Variants in RTN1 observed in about 807,000 individuals in gnomAD.
RTN1 encodes the protein reticulon-1.
RTN1 carries 25 observed loss-of-function variants against 65.5 expected under a neutral mutation model. That is an observed-to-expected ratio of 0.38 (90% CI 0.28 to 0.53). The LOEUF is 0.53. Ranked by LOEUF, RTN1 falls within the 20% of genes least tolerant of loss-of-function variation. The pLI is 0.79. For synonymous variants in RTN1, 471 were observed against 447.6 expected, an observed-to-expected ratio of 1.05 and a Z score of -0.66; for missense variants, 983 against 1,025.4, an observed-to-expected ratio of 0.96 and a Z score of 0.57.
intron 3 of RTN1, among the ~76,000 whole-genome samples, chr14:59,724,961 T>C (rs2139474307): frequency 6.6e-6 from 1 of 152,284 alleles, no homozygotes; most frequent in Non-Finnish European, 1.5e-5. Context: ...AAAGGACCCC[T>C]CCGTGCAGAA....
intron 1 of RTN1, among the ~76,000 whole-genome samples, chr14:59,851,564 G>A (rs535094232): frequency 6.6e-6 from 1 of 151,966 alleles, no homozygotes; most frequent in East Asian, 1.9e-4. Flanking sequence ...TTATTCATAA[G>A]AATAAACCAA....
At chr14:59,838,506 A>ATAC (rs1566743463) in intron 1 of RTN1, among the ~76,000 whole-genome samples, 1 of 152,174 alleles carries the variant, frequency 6.6e-6, no homozygotes, top group African/African-American at 2.4e-5. Context: ...TAGTACATCT[A>ATAC]TAGGATGGAA....
chr14:59,748,763 T>C (rs1334545895), intron 1 of RTN1, among the ~76,000 whole-genome samples: 1 of 151,926 alleles, frequency 6.6e-6, no homozygotes, highest in Non-Finnish European at 1.5e-5. Context: ...AGGTACTCAA[T>C]ACATATTTGC....
intron 1 of RTN1, among the ~76,000 whole-genome samples, chr14:59,789,039 T>C (rs75084654): frequency 0.099 from 15,093 of 152,118 alleles, 1,024 homozygotes; most frequent in Middle Eastern, 0.16. Context: ...TGTAATATTG[T>C]TAATTTTTCC....
intron 1 of RTN1, among the ~76,000 whole-genome samples, chr14:59,799,502 C>A (rs562228251): frequency 3.3e-5 from 5 of 152,308 alleles, no homozygotes; most frequent in African/African-American, 7.2e-5. Flanking sequence ...CACATGAATT[C>A]TTTCACCTTT....
rs759512507 is a variant in RTN1, at chr14:59,727,705, A to G, written c.1016-37T>C. 3 of 1,540,940 alleles carry G rather than the reference A, an allele frequency of 1.9e-6. No individual in the cohort carries two copies. The African/African-American group carries it at 4.1e-5, about 21-fold the overall frequency. Reference sequence around the variant, plus strand: ...CAGAGCGAAGGAGAGCCACGGAGGCACACACACGGACAGACAGATGGACAG... The same window carrying G: ...CAGAGCGAAGGAGAGCCACGGAGGCGCACACACGGACAGACAGATGGACAG... On this transcript the variant is annotated intron_variant, in intron 2 of 8. Coordinates refer to ENST00000267484, the MANE Select transcript of RTN1 (RefSeq NM_021136.3). The surrounding 1 kb of genome is among the most constrained non-coding windows in gnomAD (Gnocchi z 4.2).
intron 1 of RTN1, among the ~76,000 whole-genome samples, chr14:59,856,934 C>CA (rs1370526475): frequency 6.6e-6 from 1 of 152,132 alleles, no homozygotes; most frequent in Non-Finnish European, 1.5e-5. Flanking sequence ...TGTGCTCATG[C>CA]AATGTCATAT....
intron 1 of RTN1, among the ~76,000 whole-genome samples, chr14:59,805,681 C>A (rs1392840362): frequency 1.3e-5 from 2 of 152,130 alleles, no homozygotes; most frequent in Non-Finnish European, 1.5e-5. Flanking sequence ...AAAAAAGTTT[C>A]TTTCATGAAA....
At chr14:59,864,272 C>T (rs897167901) in intron 1 of RTN1, among the ~76,000 whole-genome samples, 3 of 152,158 alleles carry the variant, frequency 2.0e-5, no homozygotes, top group African/African-American at 7.2e-5. Flanking sequence ...CACTGCTCTT[C>T]CTGTGGTTCC....
intron 3 of RTN1, among the ~76,000 whole-genome samples, chr14:59,678,627 T>G (rs1594673572): frequency 6.6e-6 from 1 of 152,306 alleles, no homozygotes; most frequent in Admixed American, 6.5e-5. Flanking sequence ...CCTCAAGAGC[T>G]GAAGGTTCCT....
At chr14:59,675,587 A>T (rs1034043921) in intron 3 of RTN1, among the ~76,000 whole-genome samples, 45 of 149,568 alleles carry the variant, frequency 3.0e-4, no homozygotes, top group Admixed American at 4.7e-4. Flanking sequence ...TAATTTAATA[A>T]TACAATTTTA....
Position 59,870,648 on chromosome 14 carries a change from C to A in RTN1, c.-18G>T, listed in dbSNP as rs1887886546. On this transcript the variant is annotated 5_prime_UTR_variant, in exon 1 of 9. Coordinates refer to ENST00000267484, the MANE Select transcript of RTN1 (RefSeq NM_021136.3). The surrounding 1 kb of genome is among the most constrained non-coding windows in gnomAD (Gnocchi z 5.1). ...GCGGCCATGGCTGGCGGTCCCCCGG[C>A]GCGGCGACGGCGGCTTGGCTGGGCA... The A allele has an allele frequency of 2.2e-6, 3 of 1,364,440 alleles. No homozygotes were observed. The highest frequency in any genetic ancestry group is 6.3e-5 in the East Asian group (2 of 31,802). The allele number at this position is 1,364,440 out of a possible 1,614,324, so 84.5% of individuals were successfully genotyped here. A position where few individuals can be genotyped will look rare whatever the true frequency, so the allele number is the denominator to read the frequency against.
rs112645627 is a variant in RTN1 at position 59,619,496 on chromosome 14, A to G, written c.1766-12004T>C. 6.2e-3 allele frequency among the ~76,000 whole-genome samples: 947 copies of G among 152,336 alleles called. 9 individuals carry two copies. Among genetic ancestry groups the G allele is most frequent in the African/African-American group, 0.022 (912 of 41,570 alleles). On this transcript the variant is annotated intron_variant, in intron 3 of 8. Coordinates refer to ENST00000267484, the MANE Select transcript of RTN1 (RefSeq NM_021136.3). ...CATGGTCCTTAATATCATATATCCA[A>G]TGATATTCAGATGAATATGTACAGT...
intron 3 of RTN1, among the ~76,000 whole-genome samples, chr14:59,710,101 G>T (rs191214770): frequency 6.8e-6 from 1 of 146,870 alleles, no homozygotes; most frequent in East Asian, 2.0e-4. Context: ...GGAGTGCAGT[G>T]GCACGATCTC....
intron 3 of RTN1, among the ~76,000 whole-genome samples, chr14:59,715,957 CA>C (rs1168651523): frequency 6.6e-6 from 1 of 151,992 alleles, no homozygotes; most frequent in African/African-American, 2.4e-5. Flanking sequence ...TTATTTTCAA[CA>C]TTTAAGAAAA....
rs868177518 is a variant in RTN1, at chr14:59,605,415, C to G, written c.2065G>C (p.Glu689Gln). The change falls in exon 5 of 9, where the codon GAA (glutamate) becomes CAA (glutamine). Residue 689 changes from glutamate (E) to glutamine (Q), a missense_variant. Physicochemically the swap from Glu to Gln is conservative, Grantham distance 29. Transcript: ENST00000267484. ...TGGACAAGGAAGAGCCTCCTCAGTT[C>G]CTTAAGTGTGCTGTTCACGTAGAAC... is the stretch of plus-strand genomic sequence containing the variant. ...LQFYVNSTLK[E>Q]LRRLFLVQDL... 6.2e-7 allele frequency: 1 copy of G among 1,614,148 alleles called. No individual in the cohort carries two copies. The highest frequency in any genetic ancestry group is 8.5e-7 in the Non-Finnish European group (1 of 1,180,012).
intron 1 of RTN1, among the ~76,000 whole-genome samples, chr14:59,750,383 ATAT>A (rs1325711940): frequency 1.7e-5 from 1 of 60,414 alleles, no homozygotes; most frequent in Non-Finnish European, 2.8e-5. Context: ...TATATATTAT[ATAT>A]TATATCTATA....
intron 1 of RTN1, among the ~76,000 whole-genome samples, chr14:59,824,264 G>C (rs928931665): frequency 2.0e-5 from 3 of 152,106 alleles, no homozygotes; most frequent in Non-Finnish European, 4.4e-5. Context: ...TTGATGAAAT[G>C]ATTGAAAATA....
At chr14:59,865,608 C>T (rs552265193) in intron 1 of RTN1, among the ~76,000 whole-genome samples, 1 of 152,310 alleles carries the variant, frequency 6.6e-6, no homozygotes, top group Non-Finnish European at 1.5e-5. Flanking sequence ...GGCTCACACT[C>T]TTCTCACTGT....
Sources: allele counts gnomAD v4.1 joint callset (sites outside exome capture counted in the v4.1 genomes callset), GRCh38; gene constraint gnomAD v4.1.1; non-coding constraint Gnocchi (gnomAD v3.1); transcripts MANE v1.5; gene names NCBI Gene and HGNC (gene_info 2026-07-23, HGNC 2026-07-21).